Variants in SPATA22 observed in about 807,000 individuals in gnomAD.
SPATA22 encodes spermatogenesis-associated protein 22.
A neutral mutation model predicts 47.8 loss-of-function variants in SPATA22; 29 were observed. The observed-to-expected ratio is 0.61, with a 90% confidence interval of 0.45 to 0.83. SPATA22 has a LOEUF of 0.83. Ranked by LOEUF, SPATA22 falls within the 40% of genes least tolerant of loss-of-function variation. The pLI is 0.00. For missense variants in SPATA22, 410 were observed against 421.7 expected, an observed-to-expected ratio of 0.97 and a Z score of 0.24; for synonymous variants, 133 against 140.9, an observed-to-expected ratio of 0.94 and a Z score of 0.40.
intron 1 of SPATA22, among the ~76,000 whole-genome samples, chr17:3,506,054 G>A (rs536207564): frequency 7.2e-5 from 11 of 152,238 alleles, no homozygotes; most frequent in Non-Finnish European, 1.0e-4. Flanking sequence ...CACCATGCCC[G>A]GCTGCTTTTC....
At chr17:3,475,000 G>A (rs1220786694), upstream of SPATA22, among the ~76,000 whole-genome samples, 2 of 152,196 alleles carry the variant, frequency 1.3e-5, no homozygotes, top group South Asian at 2.1e-4. Context: ...CCACCCTATC[G>A]TATAAAATTA....
intron 1 of SPATA22, chr17:3,489,317 T>A: frequency 6.2e-7 from 1 of 1,611,454 alleles, no homozygotes; most frequent in Non-Finnish European, 8.5e-7. Context: ...AACATGCTCT[T>A]GATTTTATAC....
At chr17:3,493,708 G>C (rs1017285521) in intron 1 of SPATA22, among the ~76,000 whole-genome samples, 1 of 151,872 alleles carries the variant, frequency 6.6e-6, no homozygotes, top group African/African-American at 2.4e-5. Context: ...ACCTTCATTT[G>C]ACAGGTCAAG....
chr17:3,507,654 T>C (rs1567623834), intron 1 of SPATA22, among the ~76,000 whole-genome samples: 1 of 152,176 alleles, frequency 6.6e-6, no homozygotes, highest in Non-Finnish European at 1.5e-5. Context: ...CGCATGTCAT[T>C]CCGTCTGTCT....
chr17:3,465,579 C>T (rs1223634867), intron 3 of SPATA22, among the ~76,000 whole-genome samples: 1 of 151,280 alleles, frequency 6.6e-6, no homozygotes, highest in Non-Finnish European at 1.5e-5. Flanking sequence ...TGCTTGAAGG[C>T]AGCATGCTCG....
At chr17:3,470,521 G>A (rs1242598454) in intron 1 of SPATA22, among the ~76,000 whole-genome samples, 4 of 147,856 alleles carry the variant, frequency 2.7e-5, no homozygotes, top group African/African-American at 7.5e-5. Context: ...AGGCCGAGAC[G>A]GGCGGATCAC....
chr17:3,483,305 A>G (rs901581040), intron 1 of SPATA22, among the ~76,000 whole-genome samples: 1 of 152,146 alleles, frequency 6.6e-6, no homozygotes, highest in Non-Finnish European at 1.5e-5. Context: ...ATTGTATATG[A>G]ATTTCATATT....
chr17:3,476,133 G>A, upstream of SPATA22: 1 of 1,591,454 alleles, frequency 6.3e-7, no homozygotes, highest in Non-Finnish European at 8.6e-7. Context: ...CTGAATTGCA[G>A]AAATCAGATA....
chr17:3,448,124 T>C (rs1392284496), intron 6 of SPATA22, among the ~76,000 whole-genome samples: 1 of 152,224 alleles, frequency 6.6e-6, no homozygotes, highest in Non-Finnish European at 1.5e-5. Context: ...GTGTATGCTA[T>C]GTTTAGAGAA....
intron 1 of SPATA22, among the ~76,000 whole-genome samples, chr17:3,504,154 C>G (rs1324171341): frequency 6.6e-6 from 1 of 152,176 alleles, no homozygotes; most frequent in Non-Finnish European, 1.5e-5. Context: ...GCCTTTTTCT[C>G]CTTCAAAATG....
chr17:3,475,862 T>C (rs1359443330), upstream of SPATA22: 2 of 392,944 alleles, frequency 5.1e-6, no homozygotes, highest in East Asian at 5.0e-5. Flanking sequence ...TTTATTACTG[T>C]ATTTAGATCT....
chr17:3,462,606 A>G, intron 4 of SPATA22, 28 bp from the exon 5 acceptor site: 1 of 1,600,268 alleles, frequency 6.2e-7, no homozygotes, highest in Non-Finnish European at 8.6e-7. Flanking sequence ...CTTGTTAAAT[A>G]TTAATAGTTT....
chr17:3,478,552 A>G (rs1335359511), intron 1 of SPATA22, among the ~76,000 whole-genome samples: 5 of 152,196 alleles, frequency 3.3e-5, no homozygotes, highest in Admixed American at 3.3e-4. Flanking sequence ...GTTGAAGGAT[A>G]ACTTTTAGTC....
At chr17:3,475,656 G>A, upstream of SPATA22, 1 of 168,462 alleles carries the variant, frequency 5.9e-6, no homozygotes, top group Admixed American at 5.6e-5. Context: ...CTCAGATCAT[G>A]AAAAGTGCTT....
intron 2 of SPATA22, 60 bp downstream of exon 2, chr17:3,469,223 T>C: frequency 2.6e-6 from 2 of 773,724 alleles, no homozygotes; most frequent in Non-Finnish European, 4.2e-6. Context: ...GTTATATCTA[T>C]AAACTATACA....
exon 1 of SPATA22, chr17:3,513,837 CA>C: frequency 7.9e-7 from 1 of 1,268,920 alleles, no homozygotes; most frequent in Non-Finnish European, 1.1e-6. Context: ...CACCATCCCT[CA>C]AAGCCTCTCT....
chr17:3,480,982 T>G (rs958199392), intron 1 of SPATA22, among the ~76,000 whole-genome samples: 4 of 152,122 alleles, frequency 2.6e-5, no homozygotes, highest in Non-Finnish European at 5.9e-5. Context: ...TAGCTGGGCA[T>G]GGTGGCACGC....
intron 3 of SPATA22, among the ~76,000 whole-genome samples, chr17:3,465,821 T>A (rs2073296748): frequency 6.8e-6 from 1 of 146,394 alleles, no homozygotes; most frequent in Admixed American, 6.8e-5. Flanking sequence ...ACTGATGCAG[T>A]CCTATCTCTT....
intron 5 of SPATA22, among the ~76,000 whole-genome samples, chr17:3,453,234 C>T (rs2072904854): frequency 6.6e-6 from 1 of 152,184 alleles, no homozygotes; most frequent in African/African-American, 2.4e-5. Context: ...CTTAGCATCA[C>T]ACAATATTCC....
Sources: gnomAD v4.1 joint callset for allele counts (sites outside exome capture counted in the v4.1 genomes callset) on GRCh38, gnomAD v4.1.1 for gene constraint, MANE v1.5 for transcripts, NCBI Gene and HGNC (gene_info 2026-07-23, HGNC 2026-07-21) for gene names.